The following QTMAN variants were observed in gnomAD, a reference collection of about 807,000 sequenced individuals.
The protein encoded by QTMAN is queuosine-tRNA mannosyltransferase, also known as tRNA-queuosine alpha-mannosyltransferase.
At chr2:144,180,511 T>C in the QTMAN span, among the ~76,000 whole-genome samples, 2 of 152,204 alleles carry the variant, frequency 1.3e-5, no homozygotes, top group Non-Finnish European at 2.9e-5. Context: ...CTAACACTTT[T>C]TCCCTATTTC....
At chr2:144,217,597 T>TC in the QTMAN span, among the ~76,000 whole-genome samples, 5 of 152,134 alleles carry the variant, frequency 3.3e-5, no homozygotes, top group Non-Finnish European at 5.9e-5. Context: ...GTGAAATACT[T>TC]CAATTTTTTT....
the QTMAN span, among the ~76,000 whole-genome samples, chr2:144,130,253 A>C: frequency 1.3e-5 from 2 of 151,892 alleles, no homozygotes; most frequent in Non-Finnish European, 2.9e-5. Flanking sequence ...TCTGTAATTC[A>C]CCTCCTATTA....
At chr2:144,136,514 T>C in the QTMAN span, among the ~76,000 whole-genome samples, 6,678 of 151,852 alleles carry the variant, frequency 0.044, 486 homozygotes, top group African/African-American at 0.15. Context: ...GAAAGGAAGA[T>C]GTAATTCTTC....
At chr2:144,057,034 C>T in the QTMAN span, among the ~76,000 whole-genome samples, 1 of 152,122 alleles carries the variant, frequency 6.6e-6, no homozygotes, top group Non-Finnish European at 1.5e-5. Context: ...TTGTGTAATA[C>T]CTGAACAAAG....
At chr2:144,175,953 C>T in the QTMAN span, among the ~76,000 whole-genome samples, 1 of 152,110 alleles carries the variant, frequency 6.6e-6, no homozygotes, top group Non-Finnish European at 1.5e-5. Flanking sequence ...GTGTGAGCCA[C>T]CATGCTCGGC....
At chr2:144,177,483 T>C in the QTMAN span, among the ~76,000 whole-genome samples, 1 of 152,052 alleles carries the variant, frequency 6.6e-6, no homozygotes, top group Non-Finnish European at 1.5e-5. Context: ...CAGCAAAGTC[T>C]AGAAATAGAT....
At chr2:144,163,638 G>A in the QTMAN span, among the ~76,000 whole-genome samples, 3 of 152,198 alleles carry the variant, frequency 2.0e-5, no homozygotes, top group Non-Finnish European at 4.4e-5. Context: ...TGTGGTGTGC[G>A]TGCAATGCAA....
chr2:144,194,031 C>T, the QTMAN span, among the ~76,000 whole-genome samples: 6 of 152,216 alleles, frequency 3.9e-5, no homozygotes, highest in African/African-American at 7.2e-5. Flanking sequence ...TTAAGCACTA[C>T]GTTTTTTAAA....
At chr2:144,175,903 T>G in the QTMAN span, among the ~76,000 whole-genome samples, 2 of 152,132 alleles carry the variant, frequency 1.3e-5, no homozygotes, top group Non-Finnish European at 2.9e-5. Context: ...TGACCTCAAG[T>G]GATCCACCTG....
chr2:144,178,352 C>T, the QTMAN span: 2 of 152,014 alleles, frequency 1.3e-5, no homozygotes, highest in African/African-American at 4.8e-5. Context: ...ACTTTATAAA[C>T]GTTACCTGTC....
chr2:143,991,423 G>A, the QTMAN span, among the ~76,000 whole-genome samples: 4 of 150,864 alleles, frequency 2.7e-5, no homozygotes, highest in Non-Finnish European at 4.4e-5. Flanking sequence ...GCCCCGTCCG[G>A]GAGGGAGGTG....
chr2:144,136,668 G>A, the QTMAN span, among the ~76,000 whole-genome samples: 1 of 151,982 alleles, frequency 6.6e-6, no homozygotes, highest in Admixed American at 6.6e-5. Context: ...TAGTTTAGTA[G>A]GTTGCAAGAT....
chr2:144,269,137 CAAATG>C, the QTMAN span, among the ~76,000 whole-genome samples: 1 of 152,172 alleles, frequency 6.6e-6, no homozygotes, highest in Non-Finnish European at 1.5e-5. Context: ...TAAGATGTTA[CAAATG>C]TCTTTTTGAG....
chr2:144,116,903 C>T, the QTMAN span, among the ~76,000 whole-genome samples: 1 of 152,144 alleles, frequency 6.6e-6, no homozygotes, highest in Non-Finnish European at 1.5e-5. Flanking sequence ...AAAGTTTATT[C>T]CCAAATGGTC....
chr2:144,141,349 A>G, the QTMAN span, among the ~76,000 whole-genome samples: 1 of 151,876 alleles, frequency 6.6e-6, no homozygotes. Context: ...GTAACTAAGA[A>G]AGAGAAATGG....
chr2:144,177,035 A>C, the QTMAN span: 1 of 653,506 alleles, frequency 1.5e-6, no homozygotes, highest in Non-Finnish European at 2.8e-6. Context: ...GAGGTGCCAG[A>C]CACTTTAAAA....
the QTMAN span, among the ~76,000 whole-genome samples, chr2:143,987,666 T>G: frequency 6.6e-6 from 1 of 152,234 alleles, no homozygotes; most frequent in South Asian, 2.1e-4. Context: ...TTTCCTACTT[T>G]GCACATCCAT....
the QTMAN span, among the ~76,000 whole-genome samples, chr2:144,003,055 T>C: frequency 6.6e-6 from 1 of 152,008 alleles, no homozygotes; most frequent in East Asian, 1.9e-4. Flanking sequence ...TTCATAAAAA[T>C]ACATTATTTA....
chr2:144,235,014 T>C, the QTMAN span, among the ~76,000 whole-genome samples: 4 of 152,204 alleles, frequency 2.6e-5, no homozygotes, highest in Non-Finnish European at 4.4e-5. Flanking sequence ...GTCTGCCATG[T>C]AATTAAAGAA....
Sources: allele counts gnomAD v4.1 joint callset (sites outside exome capture counted in the v4.1 genomes callset), GRCh38; gene constraint gnomAD v4.1.1; transcripts MANE v1.5; gene names NCBI Gene and HGNC (gene_info 2026-07-23, HGNC 2026-07-21).